Variants in UBN2 observed in about 807,000 individuals in gnomAD.
UBN2 encodes the protein ubinuclein 2, also known as ubinuclein-2.
In UBN2, 35 loss-of-function variants were observed where a neutral mutation model predicts 120.2. The ratio of observed to expected loss-of-function variants is 0.29; its 90% CI spans 0.22 to 0.39. UBN2 has a LOEUF of 0.39. Among genes scored for constraint, UBN2 ranks in the 10% least tolerant of loss-of-function variants. The pLI is 1.00. For synonymous variants in UBN2, 661 were observed against 648.7 expected (o/e 1.02, Z -0.29); for missense variants, 1,693 against 1,663.2 (o/e 1.02, Z -0.31).
chr7:139,316,097 AAAAAAAAAAAG>A, the UBN2 span, among the ~76,000 whole-genome samples: 187 of 140,380 alleles, frequency 1.3e-3, 3 homozygotes, highest in East Asian at 2.7e-3. Flanking sequence ...AAAAAAAAAA[AAAAAAAAAAAG>A]GGGTTCCAGT....
intron 3 of UBN2, among the ~76,000 whole-genome samples, chr7:139,254,193 T>C (rs1796697572): frequency 6.6e-6 from 1 of 151,964 alleles, no homozygotes; most frequent in Non-Finnish European, 1.5e-5. Flanking sequence ...CTCGGGAGGC[T>C]GAGGCAGGAG....
intron 7 of UBN2, among the ~76,000 whole-genome samples, chr7:139,269,041 T>C (rs1194025185): frequency 1.3e-5 from 2 of 152,082 alleles, no homozygotes; most frequent in Non-Finnish European, 2.9e-5. Context: ...ACCCCATCTC[T>C]ACTAAAAATA....
At position 139,284,356 on chromosome 7, in the gene UBN2, A is replaced by G. The variant is rs764895510; in HGVS notation, c.3451A>G (p.Asn1151Asp). The change falls in exon 15 of 18, where the codon AAC becomes GAC. Residue 1151 changes from asparagine (N) to aspartate (D), a missense_variant. Physicochemically the swap from Asn to Asp is conservative, Grantham distance 23. This residue lies in a region of UBN2 where 837 missense variants were observed against 817.6 expected (regional missense o/e 1.02). Coordinates refer to ENST00000473989, the MANE Select transcript of UBN2 (RefSeq NM_173569.4). ...TCTTCAGGCCCCCTCAAAGCTAACA[A>G]ACTCATCATCCACTGGAACTGTTGG... is the stretch of plus-strand genomic sequence containing the variant. ...KNLQAPSKLT[N>D]SSSTGTVGKN... 6.2e-6 allele frequency: 10 copies of G among 1,614,024 alleles called. No homozygotes were observed. The Admixed American group carries it at 1.3e-4, about 22-fold the overall frequency.
chr7:139,262,588 G>A (rs938994752), intron 6 of UBN2, among the ~76,000 whole-genome samples: 1 of 151,856 alleles, frequency 6.6e-6, no homozygotes, highest in Non-Finnish European at 1.5e-5. Flanking sequence ...GGTGGCGCGT[G>A]CCTGTAATCC....
intron 1 of UBN2, among the ~76,000 whole-genome samples, chr7:139,236,068 A>G (rs146000423): frequency 2.0e-5 from 3 of 152,276 alleles, no homozygotes; most frequent in African/African-American, 7.2e-5. Context: ...TAAAAGTAGT[A>G]TTTTTATCCT....
chr7:139,273,867 A>T, intron 10 of UBN2, 64 bp from the exon 11 acceptor site: 1 of 1,392,840 alleles, frequency 7.2e-7, no homozygotes, highest in Non-Finnish European at 9.7e-7. Context: ...CATAATCTGT[A>T]TTATTGCTGC....
rs770411534 is a variant in UBN2 at position 139,284,059 on chromosome 7, C to A, written c.3154C>A (p.Leu1052Met). ...CAAGCCTGCCACATCTCCTAAACCCCTGCCCTCGCCTAAGCCTTCTGCCTC... is the reference window on the plus strand; with the variant it reads ...CAAGCCTGCCACATCTCCTAAACCCATGCCCTCGCCTAAGCCTTCTGCCTC... ...SPKPATSPKP[L>M]PSPKPSASPK... Residue 1052 changes from leucine to methionine, a missense_variant, in exon 15 of 18, where the codon CTG becomes ATG. Around this residue, in one of 5 missense-constraint regions of UBN2, gnomAD observed 837 missense variants for 817.6 expected, o/e 1.02. Transcript: ENST00000473989. The A allele has an allele frequency of 4.3e-5, 69 of 1,614,058 alleles. No individual in the cohort carries two copies. In the South Asian group the frequency reaches 7.2e-4, roughly 17 times the overall value.
In UBN2 at chr7:139,297,805, G is replaced by A; in HGVS notation, c.4013G>A (p.Gly1338Glu). The change falls in exon 18 of 18, where the codon GGG becomes GAG. Residue 1338 changes from glycine (G) to glutamate (E), a missense_variant. Gly to Glu is a moderately conservative substitution (Grantham distance 98). This residue lies in a region of UBN2 where 837 missense variants were observed against 817.6 expected (regional missense o/e 1.02). Transcript: ENST00000473989. ...QAFHDGGQSK[G>E]DTKLPRKSQ ...TTCTCAGATGGAGGCCAAAGTAAAG[G>A]GGACACTAAATTACCACGGAAATCT... The A allele has an allele frequency of 2.5e-6, 4 of 1,614,058 alleles. No individual in the cohort carries two copies. Among genetic ancestry groups the A allele is most frequent in the Non-Finnish European group, 3.4e-6 (4 of 1,180,006 alleles).
chr7:139,250,977 A>G (rs1374501435), intron 2 of UBN2, among the ~76,000 whole-genome samples: 2 of 151,988 alleles, frequency 1.3e-5, no homozygotes, highest in Non-Finnish European at 2.9e-5. Flanking sequence ...GCTTTGAGGC[A>G]TGCACCTGTA....
chr7:139,255,401 G>A (rs995364989), intron 3 of UBN2, among the ~76,000 whole-genome samples: 6 of 152,144 alleles, frequency 3.9e-5, no homozygotes, highest in Non-Finnish European at 8.8e-5. Context: ...GTGTGTATGT[G>A]TGTGCTAGAT....
rs1047211364 is a variant in UBN2 at position 139,301,477 on chromosome 7, C to T, written c.*3641C>T. On this transcript the variant is annotated 3_prime_UTR_variant, in exon 18 of 18. Coordinates refer to ENST00000473989, the MANE Select transcript of UBN2 (RefSeq NM_173569.4). ...TCCTTTGGGATCATCTCTTAGAACT[C>T]CAGTGATCTATCATATTTGCTGCTA... 6.6e-6 allele frequency: 1 copy of T among 152,262 alleles called. No homozygotes were observed. Among genetic ancestry groups the T allele is most frequent in the Middle Eastern group, 3.4e-3 (1 of 294 alleles). 9.4% of individuals were successfully genotyped at this position (152,262 alleles called of 1,614,324 possible).
intron 15 of UBN2, among the ~76,000 whole-genome samples, chr7:139,285,786 A>G (rs1797768960): frequency 6.6e-6 from 1 of 151,862 alleles, no homozygotes; most frequent in Admixed American, 6.6e-5. Context: ...TCTGTCGTCC[A>G]CGCTGGAGGG....
At chr7:139,319,144 C>T in the UBN2 span, among the ~76,000 whole-genome samples, 7 of 152,244 alleles carry the variant, frequency 4.6e-5, no homozygotes, top group African/African-American at 7.2e-5. Flanking sequence ...TGCAGAGGTG[C>T]GATCTTGGCT....
chr7:139,266,480 T>C, intron 7 of UBN2, 77 bp downstream of exon 7: 1 of 781,760 alleles, frequency 1.3e-6, no homozygotes. Flanking sequence ...AGATACTGAG[T>C]GGTTGGCAAG....
chr7:139,241,356 TTGAATC>T (rs1439710791), intron 2 of UBN2, among the ~76,000 whole-genome samples: 1 of 152,200 alleles, frequency 6.6e-6, no homozygotes, highest in Non-Finnish European at 1.5e-5. Context: ...TTAAGACTCT[TTGAATC>T]TGAATGACTC....
At chr7:139,309,428 A>G (rs1371872563), downstream of UBN2, among the ~76,000 whole-genome samples, 1 of 152,236 alleles carries the variant, frequency 6.6e-6, no homozygotes, top group East Asian at 1.9e-4. Context: ...TGTTGTCAGC[A>G]GTACTCCTCA....
chr7:139,246,636 CTGTA>C (rs1347896090), intron 2 of UBN2, among the ~76,000 whole-genome samples: 5 of 152,180 alleles, frequency 3.3e-5, no homozygotes, highest in African/African-American at 4.8e-5. Context: ...GCGTGCAATC[CTGTA>C]ACCACTACTA....
chr7:139,320,870 C>A, the UBN2 span, among the ~76,000 whole-genome samples: 330 of 145,438 alleles, frequency 2.3e-3, 1 homozygote, highest in East Asian at 0.018. Context: ...AAAAAAAAAA[C>A]AAACCATTCT....
rs1307052507 is a variant in UBN2, at chr7:139,274,732, AG to A, written c.1973+659del. 3.3e-5 allele frequency among the ~76,000 whole-genome samples: 5 copies of A among 150,410 alleles called. No individual in the cohort carries two copies. The East Asian group carries it at 5.9e-4, about 18-fold the overall frequency. ...AGCCGAGATTGCACCATTGCACTCC[AG>A]CCTGGGCAACAAGAGCGAAACTCCG... On this transcript the variant is annotated intron_variant, in intron 11 of 17. Coordinates refer to ENST00000473989, the MANE Select transcript of UBN2 (RefSeq NM_173569.4).
Sources: gnomAD v4.1 joint callset for allele counts (sites outside exome capture counted in the v4.1 genomes callset) on GRCh38, gnomAD v4.1.1 for gene constraint, gnomAD v4.1.1 regional missense constraint, MANE v1.5 for transcripts, NCBI Gene and HGNC (gene_info 2026-07-23, HGNC 2026-07-21) for gene names.